ZNF512: variants seen among roughly 807,000 people sequenced by gnomAD.
The protein encoded by ZNF512 is zinc finger protein 512.
In ZNF512, 25 loss-of-function variants were observed where a neutral mutation model predicts 77.5. The ratio of observed to expected loss-of-function variants is 0.32; its 90% CI spans 0.23 to 0.45. ZNF512 has a LOEUF of 0.45. ZNF512 is among the 20% of genes least tolerant of loss of function. ZNF512 has a pLI of 1.00. For synonymous variants in ZNF512, 246 were observed against 239.9 expected (o/e 1.03, Z -0.24); for missense variants, 483 against 692.6 (o/e 0.70, Z 3.40).
At position 27,621,540 on chromosome 2, in the gene ZNF512, A is replaced by G. The variant is rs573378961; in HGVS notation, c.*79A>G. The G allele has an allele frequency of 1.4e-6, 2 of 1,412,564 alleles. No individual in the cohort carries two copies. Among genetic ancestry groups the G allele is most frequent in the South Asian group, 2.9e-5 (2 of 69,544 alleles). 87.5% of individuals were successfully genotyped at this position (1,412,564 alleles called of 1,614,324 possible). ...GGACCTGTGCTGGGAGGACTGAGTG[A>G]AGATTCTTTCAGCTGTTTGTGTAAG... On this transcript the variant is annotated 3_prime_UTR_variant, in exon 14 of 14. Transcript: ENST00000355467.
At chr2:27,593,593 G>A (rs1022823410) in intron 2 of ZNF512, among the ~76,000 whole-genome samples, 1 of 152,124 alleles carries the variant, frequency 6.6e-6, no homozygotes, top group Non-Finnish European at 1.5e-5. Context: ...CTCTGGCCTG[G>A]AGAACAGAAC....
Position 27,617,511 on chromosome 2 carries a change from T to C in ZNF512, c.1335T>C (p.Cys445=). ...FVAGKYKCLL[C]QKEFVSESGV... Reference sequence around the variant, plus strand: ...CTGGAAAATACAAATGTCTTCTATGTCAGAAAGAATTTGTGTCAGAGAGTG... The same window carrying C: ...CTGGAAAATACAAATGTCTTCTATGCCAGAAAGAATTTGTGTCAGAGAGTG... The change falls in exon 13 of 14, where the codon TGT becomes TGC. Residue 445 remains cysteine (C), a synonymous_variant. Coordinates refer to ENST00000355467, the MANE Select transcript of ZNF512 (RefSeq NM_032434.4). The C allele has an allele frequency of 6.6e-7, 1 of 1,516,064 alleles. No homozygotes were observed. Among genetic ancestry groups the C allele is most frequent in the East Asian group, 2.3e-5 (1 of 44,442 alleles). 93.9% of individuals were successfully genotyped at this position (1,516,064 alleles called of 1,614,324 possible).
intron 8 of ZNF512, 103 bp downstream of exon 8, chr2:27,602,664 C>G (rs778562583): frequency 2.1e-6 from 2 of 932,828 alleles, no homozygotes; most frequent in Non-Finnish European, 3.1e-6. Flanking sequence ...CTTCCTAGTT[C>G]TGTACTATCT....
chr2:27,610,582 T>A (rs1175060976), intron 10 of ZNF512, among the ~76,000 whole-genome samples: 993 of 52,728 alleles, frequency 0.019, 81 homozygotes, highest in African/African-American at 0.06. Flanking sequence ...TTTTTTTTTT[T>A]TTTTTTTTTT....
intron 2 of ZNF512, among the ~76,000 whole-genome samples, chr2:27,591,308 A>G (rs1226100783): frequency 6.6e-6 from 1 of 152,250 alleles, no homozygotes; most frequent in Non-Finnish European, 1.5e-5. Flanking sequence ...GTGAAATCAC[A>G]TCATGGGGAA....
chr2:27,603,699 T>C (rs889087718), intron 9 of ZNF512, among the ~76,000 whole-genome samples: 1 of 150,056 alleles, frequency 6.7e-6, no homozygotes, highest in Non-Finnish European at 1.5e-5. Context: ...TCAAGCCATC[T>C]TCTTGCCTCA....
Position 27,621,192 on chromosome 2 carries a change from G to C in ZNF512, c.1435G>C (p.Glu479Gln). ...AAACCCAACAACAACCAAAAGCTTTGAAAAGCTGATGAAGATAAAGCAGCG... is the reference window on the plus strand; with the variant it reads ...AAACCCAACAACAACCAAAAGCTTTCAAAAGCTGATGAAGATAAAGCAGCG... ...VVNPTTTKSF[E>Q]KLMKIKQRQQ... is the part of the protein sequence containing the mutation. Residue 479 changes from glutamate to glutamine, a missense_variant, in exon 14 of 14, where the codon GAA becomes CAA. This residue lies in a region of ZNF512 where 324 missense variants were observed against 525.0 expected (regional missense o/e 0.62). Transcript: ENST00000355467. The C allele has an allele frequency of 6.2e-7, 1 of 1,614,102 alleles. No individual in the cohort carries two copies. Among genetic ancestry groups the C allele is most frequent in the Non-Finnish European group, 8.5e-7 (1 of 1,180,014 alleles).
At position 27,615,248 on chromosome 2, in the gene ZNF512, T is replaced by A. The variant is rs1672838107; in HGVS notation, c.1212T>A (p.His404Gln). 1 of 1,603,174 alleles carries A rather than the reference T, an allele frequency of 6.2e-7. No individual in the cohort carries two copies. Among genetic ancestry groups the A allele is most frequent in the African/African-American group, 1.3e-5 (1 of 74,446 alleles). ...GGAAGACAGATATCAAGAAATATCA[T>A]CGTATTCAGTGTCCTAACCAGGTGG... ...HKWKTDIKKYHRIQCPNQGCE... is the reference protein window; with the variant it reads ...HKWKTDIKKYQRIQCPNQGCE... The change falls in exon 11 of 14, where the codon CAT becomes CAA. Residue 404 changes from histidine to glutamine, a missense_variant. Physicochemically the swap from His to Gln is conservative, Grantham distance 24. Around this residue, in one of 2 missense-constraint regions of ZNF512, gnomAD observed 324 missense variants for 525.0 expected, o/e 0.62. Transcript: ENST00000355467.
At chr2:27,587,477 A>G (rs987627231) in intron 2 of ZNF512, among the ~76,000 whole-genome samples, 1 of 151,648 alleles carries the variant, frequency 6.6e-6, no homozygotes, top group Non-Finnish European at 1.5e-5. Flanking sequence ...GGATTTCACC[A>G]TGTTGGCCAG....
chr2:27,603,673 C>T (rs1672233983), intron 9 of ZNF512, among the ~76,000 whole-genome samples: 1 of 148,150 alleles, frequency 6.7e-6, no homozygotes, highest in Admixed American at 6.8e-5. Context: ...CTCACTGCAG[C>T]CTCGAACTCT....
rs1572906655 is a variant in ZNF512, at chr2:27,591,956, A to T, written c.90-6111A>T. 2.0e-5 allele frequency among the ~76,000 whole-genome samples: 3 copies of T among 152,286 alleles called. No homozygotes were observed. The South Asian group carries it at 6.2e-4, about 32-fold the overall frequency. Reference sequence around the variant, plus strand: ...ACTTTTCTGAAGCTTTCTAGTTTAAAACAAAATCTTTGGCTTTGAATAGTT... The same window carrying T: ...ACTTTTCTGAAGCTTTCTAGTTTAATACAAAATCTTTGGCTTTGAATAGTT... On this transcript the variant is annotated intron_variant, in intron 2 of 13. Coordinates refer to ENST00000355467, the MANE Select transcript of ZNF512 (RefSeq NM_032434.4).
chr2:27,596,493 G>A (rs1671877241), intron 2 of ZNF512, among the ~76,000 whole-genome samples: 1 of 152,188 alleles, frequency 6.6e-6, no homozygotes, highest in African/African-American at 2.4e-5. Flanking sequence ...AGAAAGAAGG[G>A]AGTTTCTAGA....
intron 2 of ZNF512, among the ~76,000 whole-genome samples, chr2:27,587,117 T>C (rs186453687): frequency 6.6e-6 from 1 of 152,300 alleles, no homozygotes; most frequent in East Asian, 1.9e-4. Flanking sequence ...TTGATTCATA[T>C]GGCAGGAGTA....
intron 2 of ZNF512, among the ~76,000 whole-genome samples, chr2:27,593,233 CACACACACACACAA>C (rs1671678829): frequency 1.3e-5 from 2 of 149,224 alleles, no homozygotes; most frequent in African/African-American, 5.0e-5. Flanking sequence ...CACACACACA[CACACACACACACAA>C]AAGAATGAGC....
intron 2 of ZNF512, among the ~76,000 whole-genome samples, chr2:27,585,875 T>G (rs1451640660): frequency 2.6e-5 from 4 of 152,220 alleles, no homozygotes; most frequent in African/African-American, 9.6e-5. Context: ...GAAAGGGAAG[T>G]TTGAGCTTAA....
chr2:27,587,473 C>T (rs1671385488), intron 2 of ZNF512, among the ~76,000 whole-genome samples: 1 of 151,754 alleles, frequency 6.6e-6, no homozygotes, highest in Admixed American at 6.6e-5. Context: ...GATGGGATTT[C>T]ACCATGTTGG....
intron 2 of ZNF512, among the ~76,000 whole-genome samples, chr2:27,591,542 G>A (rs1208788628): frequency 6.6e-6 from 1 of 152,164 alleles, no homozygotes; most frequent in Non-Finnish European, 1.5e-5. Flanking sequence ...AGCCTCCCGA[G>A]TAGCTGGGAC....
chr2:27,590,860 A>C (rs1013271494), intron 2 of ZNF512, among the ~76,000 whole-genome samples: 1 of 151,922 alleles, frequency 6.6e-6, no homozygotes, highest in Non-Finnish European at 1.5e-5. Flanking sequence ...TAAAAATCCA[A>C]GTTTCTCTCT....
intron 2 of ZNF512, among the ~76,000 whole-genome samples, chr2:27,588,268 G>A (rs1278608846): frequency 3.3e-5 from 5 of 151,850 alleles, no homozygotes; most frequent in Admixed American, 6.6e-5. Context: ...AGGTCGTAGC[G>A]AGTCAAGGTG....
Sources: gnomAD v4.1 joint callset for allele counts (sites outside exome capture counted in the v4.1 genomes callset) on GRCh38, gnomAD v4.1.1 for gene constraint, gnomAD v4.1.1 regional missense constraint, MANE v1.5 for transcripts, NCBI Gene and HGNC (gene_info 2026-07-23, HGNC 2026-07-21) for gene names.